Variants in RORB observed in about 807,000 individuals in gnomAD.
RORB encodes nuclear receptor ROR-beta.
A neutral mutation model predicts 59.1 loss-of-function variants in RORB; 6 were observed. The observed-to-expected ratio is 0.10, with a 90% CI of 0.06 to 0.20. RORB has a LOEUF of 0.20. Ranked by LOEUF, RORB falls within the 10% of genes least tolerant of loss-of-function variation. The pLI is 1.00. For synonymous variants in RORB, 215 were observed against 204.5 expected, an observed-to-expected ratio of 1.05 and a Z score of -0.44; for missense variants, 320 against 560.5, an observed-to-expected ratio of 0.57 and a Z score of 4.33.
At chr9:74,527,540 G>C (rs956951828) in intron 1 of RORB, among the ~76,000 whole-genome samples, 3 of 152,018 alleles carry the variant, frequency 2.0e-5, no homozygotes, top group African/African-American at 7.2e-5. Flanking sequence ...ATGCATTGCA[G>C]GGAATTTTTT....
At chr9:74,557,981 T>G (rs149912525) in intron 1 of RORB, among the ~76,000 whole-genome samples, 63 of 152,250 alleles carry the variant, frequency 4.1e-4, no homozygotes, top group African/African-American at 1.4e-3. Flanking sequence ...TGTATAAAAT[T>G]TAGAAAATAT....
chr9:74,524,677 C>T (rs537663092), intron 1 of RORB, among the ~76,000 whole-genome samples: 3 of 151,574 alleles, frequency 2.0e-5, no homozygotes, highest in Non-Finnish European at 2.9e-5. Flanking sequence ...CTTTCCTTGT[C>T]GGGTAATCAA....
chr9:74,586,994 C>G (rs183785970), intron 1 of RORB, among the ~76,000 whole-genome samples: 165 of 152,308 alleles, frequency 1.1e-3, no homozygotes, highest in Middle Eastern at 6.8e-3. Context: ...TTGGTACAGA[C>G]ATTAGCTGGT....
chr9:74,551,665 A>T (rs901854732), intron 1 of RORB, among the ~76,000 whole-genome samples: 2 of 152,218 alleles, frequency 1.3e-5, no homozygotes, highest in African/African-American at 4.8e-5. Flanking sequence ...ATCCCAAGTT[A>T]TACAATATAA....
At chr9:74,630,121 A>G (rs1216625305) in intron 1 of RORB, 161 bp from the exon 2 acceptor site, 4 of 453,420 alleles carry the variant, frequency 8.8e-6, no homozygotes, top group Non-Finnish European at 8.7e-6. Context: ...GAAGCTTAGG[A>G]CAGCCATGCA....
chr9:74,609,002 T>C (rs1446385663), intron 1 of RORB, among the ~76,000 whole-genome samples: 1 of 152,234 alleles, frequency 6.6e-6, no homozygotes, highest in African/African-American at 2.4e-5. Flanking sequence ...TATTCATCAA[T>C]TCAGATAAAA....
rs952531024 is a variant in RORB at position 74,688,171 on chromosome 9, G to C, written c.*2553G>C. ...CTAGCGTTAAGCATTTCACTGGGACGGCATGGACCTTTTGAAGCTGGGAGG... is the reference window on the plus strand; with the variant it reads ...CTAGCGTTAAGCATTTCACTGGGACCGCATGGACCTTTTGAAGCTGGGAGG... On this transcript the variant is annotated 3_prime_UTR_variant, in exon 10 of 10. Coordinates refer to ENST00000376896, the MANE Select transcript of RORB (RefSeq NM_006914.4). 1 of 152,148 alleles carries C rather than the reference G, an allele frequency of 6.6e-6. No homozygotes were observed. The highest frequency in any genetic ancestry group is 1.5e-5 in the Non-Finnish European group (1 of 68,042). The allele number at this position is 152,148 out of a possible 1,614,324, so 9.4% of individuals were successfully genotyped here. A position where few individuals can be genotyped will look rare whatever the true frequency, so the allele number is the denominator to read the frequency against.
Position 74,681,974 on chromosome 9 carries a change from C to T in RORB, c.1225-3489C>T, listed in dbSNP as rs373224080. ...TGCATTAACTTTTGGTTAATGACTCCACTTTTGGAGCTTGGTTGAGAGCTA... is the reference window on the plus strand; with the variant it reads ...TGCATTAACTTTTGGTTAATGACTCTACTTTTGGAGCTTGGTTGAGAGCTA... On this transcript the variant is annotated intron_variant, in intron 9 of 9. Transcript: ENST00000376896. 5.6e-4 allele frequency among the ~76,000 whole-genome samples: 85 copies of T among 152,158 alleles called. 1 individual carries two copies. Among genetic ancestry groups the T allele is most frequent in the African/African-American group, 1.9e-3 (77 of 41,528 alleles).
chr9:74,673,792 A>T (rs1243552643), intron 9 of RORB, among the ~76,000 whole-genome samples: 10 of 152,230 alleles, frequency 6.6e-5, no homozygotes, highest in Admixed American at 6.5e-4. Context: ...GAAGAGGATT[A>T]CTTCTTGGAT....
chr9:74,644,401 C>A (rs112061597), intron 4 of RORB, among the ~76,000 whole-genome samples: 396 of 152,300 alleles, frequency 2.6e-3, no homozygotes, highest in Non-Finnish European at 4.0e-3. Flanking sequence ...TTACTTTTCA[C>A]GAACATCTTA....
At chr9:74,542,348 T>A (rs1041983518) in intron 1 of RORB, among the ~76,000 whole-genome samples, 1 of 152,148 alleles carries the variant, frequency 6.6e-6, no homozygotes, top group Non-Finnish European at 1.5e-5. Flanking sequence ...CAAACGTATT[T>A]GCAAAAAAGC....
At chr9:74,651,156 T>C (rs1823984071) in intron 4 of RORB, among the ~76,000 whole-genome samples, 1 of 152,170 alleles carries the variant, frequency 6.6e-6, no homozygotes, top group Non-Finnish European at 1.5e-5. Flanking sequence ...TATCTAAGAC[T>C]CTTCAAGTGT....
intron 4 of RORB, among the ~76,000 whole-genome samples, chr9:74,658,025 A>G (rs1446973307): frequency 1.3e-5 from 2 of 149,774 alleles, no homozygotes; most frequent in Admixed American, 1.3e-4. Flanking sequence ...AAAAAAAAAA[A>G]AAAGAAAAGA....
At chr9:74,532,157 C>T (rs527972160) in intron 1 of RORB, among the ~76,000 whole-genome samples, 15 of 151,994 alleles carry the variant, frequency 9.9e-5, no homozygotes, top group East Asian at 3.9e-4. Context: ...AAAAATTAAA[C>T]GAATAGTATT....
intron 9 of RORB, among the ~76,000 whole-genome samples, chr9:74,674,691 TAGA>T (rs1367765157): frequency 6.6e-6 from 1 of 152,206 alleles, no homozygotes. Flanking sequence ...TAACATTAAC[TAGA>T]AGATTTCAAT....
chr9:74,628,599 G>A (rs1823560513), intron 1 of RORB, among the ~76,000 whole-genome samples: 1 of 152,116 alleles, frequency 6.6e-6, no homozygotes, highest in Non-Finnish European at 1.5e-5. Context: ...CTGCCCTAAA[G>A]CTAAGTATTG....
intron 1 of RORB, among the ~76,000 whole-genome samples, chr9:74,564,454 T>A (rs1431272741): frequency 6.6e-6 from 1 of 152,232 alleles, no homozygotes; most frequent in East Asian, 1.9e-4. Flanking sequence ...TGCATCTACT[T>A]CCTTGTGAGT....
chr9:74,538,110 T>A (rs1312333529), intron 1 of RORB, among the ~76,000 whole-genome samples: 2 of 152,136 alleles, frequency 1.3e-5, no homozygotes, highest in Admixed American at 1.3e-4. Flanking sequence ...ACGTTACAAT[T>A]GCCTACAGTA....
chr9:74,557,601 A>G (rs1472416297), intron 1 of RORB, among the ~76,000 whole-genome samples: 1 of 152,146 alleles, frequency 6.6e-6, no homozygotes, highest in East Asian at 1.9e-4. Context: ...AAATATACCA[A>G]TACTTATGAT....
Sources: allele counts gnomAD v4.1 joint callset (sites outside exome capture counted in the v4.1 genomes callset), GRCh38; gene constraint gnomAD v4.1.1; transcripts MANE v1.5; gene names NCBI Gene and HGNC (gene_info 2026-07-23, HGNC 2026-07-21).